Variants in LRRFIP2 observed in about 807,000 individuals in gnomAD.
LRRFIP2 encodes the protein leucine-rich repeat flightless-interacting protein 2.
In LRRFIP2, 109 loss-of-function variants were observed where a neutral mutation model predicts 125.9. That is an observed-to-expected ratio of 0.87 (90% CI 0.74 to 1.01). The LOEUF is 1.01. LRRFIP2 is among the 50% of genes least tolerant of loss of function. The probability of loss-of-function intolerance (pLI) is 0.00; values close to 1 mark genes in which losing one functional copy is unlikely to be tolerated. For missense variants in LRRFIP2, 850 were observed against 862.3 expected, an observed-to-expected ratio of 0.99 and a Z score of 0.18; for synonymous variants, 291 against 293.1, an observed-to-expected ratio of 0.99 and a Z score of 0.07.
chr3:37,143,885 A>G (rs1183711054), intron 2 of LRRFIP2: 2 of 155,538 alleles, frequency 1.3e-5, no homozygotes, highest in Non-Finnish European at 2.8e-5. Context: ...AGATCAGGAA[A>G]TACTCTTGAC....
At chr3:37,084,156 C>T (rs1284005323) in intron 18 of LRRFIP2, among the ~76,000 whole-genome samples, 1 of 152,128 alleles carries the variant, frequency 6.6e-6, no homozygotes, top group East Asian at 1.9e-4. Flanking sequence ...ATTTTAATAA[C>T]AGACTGGTGT....
At chr3:37,096,697 T>C in intron 15 of LRRFIP2, 37 bp from the exon 16 acceptor site, 1 of 1,331,744 alleles carries the variant, frequency 7.5e-7, no homozygotes, top group Non-Finnish European at 1.0e-6. Flanking sequence ...GTAAAGATGC[T>C]TAGCAAGTTG....
chr3:37,149,529 T>C (rs2095954717), intron 1 of LRRFIP2, among the ~76,000 whole-genome samples: 1 of 151,380 alleles, frequency 6.6e-6, no homozygotes, highest in African/African-American at 2.4e-5. Context: ...AATAAATAAA[T>C]AAATAAATAA....
Position 37,053,471 on chromosome 3 carries a change from G to A in LRRFIP2, c.*380C>T, listed in dbSNP as rs2085986306. The A allele has an allele frequency of 5.4e-6, 1 of 183,520 alleles. No homozygotes were observed. The highest frequency in any genetic ancestry group is 1.2e-5 in the Non-Finnish European group (1 of 86,558). The allele number at this position is 183,520 out of a possible 1,614,324, so 11.4% of individuals were successfully genotyped here. On this transcript the variant is annotated 3_prime_UTR_variant, in exon 28 of 28. Transcript: ENST00000336686. ...CGTGGAGAAGGCACTTGTGTTTTCT[G>A]AGGTCTCCAGCAAGTATCTCAGTGA...
intron 23 of LRRFIP2, chr3:37,065,495 C>G (rs2089934349): frequency 4.0e-6 from 2 of 495,782 alleles, no homozygotes; most frequent in South Asian, 3.1e-5. Context: ...CTACTGCTCC[C>G]CTAGCACAGG....
intron 2 of LRRFIP2, among the ~76,000 whole-genome samples, chr3:37,141,285 C>G (rs1187793116): frequency 2.0e-5 from 3 of 152,200 alleles, no homozygotes; most frequent in Admixed American, 6.5e-5. Context: ...AATGGCTCCC[C>G]ACAGCTTTGA....
chr3:37,055,970 TAATTA>T (rs1465239875), intron 25 of LRRFIP2, among the ~76,000 whole-genome samples: 2 of 152,340 alleles, frequency 1.3e-5, no homozygotes, highest in Non-Finnish European at 2.9e-5. Context: ...TGACTCCCCT[TAATTA>T]TAAGTCCTTC....
intron 6 of LRRFIP2, among the ~76,000 whole-genome samples, chr3:37,119,474 A>G (rs1438990275): frequency 3.3e-5 from 5 of 152,174 alleles, no homozygotes; most frequent in African/African-American, 1.2e-4. Context: ...AAATTTCCTA[A>G]GGCCACATAC....
chr3:37,121,605 T>C, intron 5 of LRRFIP2, 30 bp downstream of exon 5: 1 of 1,613,782 alleles, frequency 6.2e-7, no homozygotes, highest in African/African-American at 1.3e-5. Context: ...AGGAAAAGTA[T>C]TAGAGGCAAG....
At chr3:37,078,195 A>T (rs927249743) in intron 19 of LRRFIP2, among the ~76,000 whole-genome samples, 1 of 152,156 alleles carries the variant, frequency 6.6e-6, no homozygotes, top group East Asian at 1.9e-4. Context: ...AAATAATTTT[A>T]AAAGTAATTC....
intron 3 of LRRFIP2, 132 bp from the exon 4 acceptor site, chr3:37,127,812 G>T: frequency 1.5e-6 from 1 of 689,580 alleles, no homozygotes. Flanking sequence ...TCAAAATACA[G>T]AAAATTAGTA....
rs2094154070 is a variant in LRRFIP2 at position 37,103,086 on chromosome 3, AATT to A, written c.784-76_784-74del. On this transcript the variant is annotated intron_variant, in intron 14 of 27. Transcript: ENST00000336686. The stretch of plus-strand genomic sequence containing the variant: ...AAAGAAAAAAATAAGAACATTGGCC[AATT>A]AGGGAAAAGTTTTTTAAAATTTTGA... 1.3e-5 allele frequency: 15 copies of A among 1,181,740 alleles called. No individual in the cohort carries two copies. In the South Asian group the frequency reaches 1.9e-4, roughly 15 times the overall value. 73.2% of individuals were successfully genotyped at this position (1,181,740 alleles called of 1,614,324 possible). A position where few individuals can be genotyped will look rare whatever the true frequency, so the allele number is the denominator to read the frequency against.
At chr3:37,095,258 A>G (rs1030879105) in intron 16 of LRRFIP2, among the ~76,000 whole-genome samples, 3 of 152,250 alleles carry the variant, frequency 2.0e-5, no homozygotes, top group African/African-American at 7.2e-5. Context: ...CAGTTTTAGA[A>G]TTTTATAACT....
chr3:37,145,425 GA>G (rs1445687911), intron 2 of LRRFIP2, among the ~76,000 whole-genome samples: 2 of 152,148 alleles, frequency 1.3e-5, no homozygotes, highest in South Asian at 2.1e-4. Context: ...ATACTTGTGA[GA>G]GGGGGAAAAA....
At position 37,115,100 on chromosome 3, in the gene LRRFIP2, G is replaced by A; in HGVS notation, c.331-5C>T. ...TCTATCCTTGAACATATCATACTGG[G>A]TTTCAGCAAAACATGAAAGTTGGTT... On this transcript the variant is annotated splice_polypyrimidine_tract_variant and splice_region_variant and intron_variant, in intron 6 of 27. Transcript: ENST00000336686. 2.5e-6 allele frequency: 4 copies of A among 1,583,430 alleles called. No homozygotes were observed. The highest frequency in any genetic ancestry group is 2.6e-6 in the Non-Finnish European group (3 of 1,159,072).
At chr3:37,061,735 C>T (rs1017237172) in intron 24 of LRRFIP2, among the ~76,000 whole-genome samples, 11 of 152,138 alleles carry the variant, frequency 7.2e-5, no homozygotes, top group Middle Eastern at 3.4e-3. Flanking sequence ...TCCTTTATAG[C>T]GAAGCAAAAA....
rs192796834 is a variant in LRRFIP2, at chr3:37,072,955, C to A, written c.1372-73G>T. On this transcript the variant is annotated intron_variant, in intron 20 of 27. Transcript: ENST00000336686. ...GGGAGAGGAGGTTTGAGGGAGGAAACAAAAATAAAGCCGATAAAGAAACTT... is the reference window on the plus strand; with the variant it reads ...GGGAGAGGAGGTTTGAGGGAGGAAAAAAAAATAAAGCCGATAAAGAAACTT... The A allele has an allele frequency of 1.0e-6, 1 of 960,518 alleles. No individual in the cohort carries two copies. Among genetic ancestry groups the A allele is most frequent in the South Asian group, 1.5e-5 (1 of 67,506 alleles). 59.5% of individuals were successfully genotyped at this position (960,518 alleles called of 1,614,324 possible).
rs1012743703 is a variant in LRRFIP2, at chr3:37,108,697, G to A, written c.610-13C>T. 6.2e-6 allele frequency: 10 copies of A among 1,601,844 alleles called. No individual in the cohort carries two copies. The highest frequency in any genetic ancestry group is 7.7e-6 in the Non-Finnish European group (9 of 1,169,740). ...TGTACAATGATGCCTAAGGAACAAA[G>A]GAAATATCACTTAGCTATTTAGCTT... On this transcript the variant is annotated splice_polypyrimidine_tract_variant and intron_variant, in intron 11 of 27. Transcript: ENST00000336686.
At chr3:37,088,879 G>A (rs1159108242) in intron 18 of LRRFIP2, among the ~76,000 whole-genome samples, 1 of 151,730 alleles carries the variant, frequency 6.6e-6, no homozygotes, top group Non-Finnish European at 1.5e-5. Flanking sequence ...TTCATTGGAG[G>A]TAAAAATAAA....
Sources: gnomAD v4.1 joint callset for allele counts (sites outside exome capture counted in the v4.1 genomes callset) on GRCh38, gnomAD v4.1.1 for gene constraint, MANE v1.5 for transcripts, NCBI Gene and HGNC (gene_info 2026-07-23, HGNC 2026-07-21) for gene names.